RASAL2: variants seen among roughly 807,000 people sequenced by gnomAD.
RASAL2 encodes RAS protein activator like 2.
A neutral mutation model predicts 128.9 loss-of-function variants in RASAL2; 58 were observed. That is an observed-to-expected ratio of 0.45 (90% CI 0.36 to 0.56). RASAL2 has a LOEUF of 0.56. Ranked by LOEUF, RASAL2 falls within the 20% of genes least tolerant of loss-of-function variation. RASAL2 has a pLI of 0.00. For missense variants in RASAL2, 1,360 were observed against 1,601.6 expected, an observed-to-expected ratio of 0.85 and a Z score of 2.57; for synonymous variants, 561 against 580.8, an observed-to-expected ratio of 0.97 and a Z score of 0.49.
intron 3 of RASAL2, among the ~76,000 whole-genome samples, chr1:178,303,373 A>G (rs1370488645): frequency 3.9e-5 from 6 of 152,232 alleles, no homozygotes; most frequent in South Asian, 2.1e-4. Context: ...GGAGTGTCCA[A>G]TCTTTTCGCT....
rs368509208 is a variant in RASAL2 at position 178,184,214 on chromosome 1, T to TA, written c.202+89521dup. Among the ~76,000 whole-genome samples, 641 of 152,296 alleles carry TA rather than the reference T, an allele frequency of 4.2e-3. 3 individuals are homozygous for TA. The highest frequency in any genetic ancestry group is 0.014 in the African/African-American group (584 of 41,572). On this transcript the variant is annotated intron_variant, in intron 1 of 17. Coordinates refer to ENST00000367649, the MANE Select transcript of RASAL2 (RefSeq NM_170692.4). Reference sequence around the variant, plus strand: ...TTTTGGATACAAGTCCTTTGTCAGATATGTGTTTTGCAGATATTTTCTTCC... The same window carrying TA: ...TTTTGGATACAAGTCCTTTGTCAGATAATGTGTTTTGCAGATATTTTCTTCC...
intron 4 of RASAL2, among the ~76,000 whole-genome samples, chr1:178,408,591 T>C (rs1172892718): frequency 1.3e-5 from 2 of 151,732 alleles, no homozygotes; most frequent in African/African-American, 4.9e-5. Flanking sequence ...TTTGTTGTTG[T>C]TGTTTGGTTG....
At chr1:178,317,924 G>A (rs1183879260) in intron 3 of RASAL2, among the ~76,000 whole-genome samples, 5 of 151,662 alleles carry the variant, frequency 3.3e-5, no homozygotes, top group African/African-American at 7.3e-5. Flanking sequence ...TCTCTTGTGG[G>A]CATTTATTGC....
At chr1:178,141,003 T>G (rs1660503125) in intron 1 of RASAL2, among the ~76,000 whole-genome samples, 1 of 151,804 alleles carries the variant, frequency 6.6e-6, no homozygotes, top group South Asian at 2.1e-4. Flanking sequence ...ATGGCCAGAG[T>G]AGGAGCAAGA....
intron 1 of RASAL2, among the ~76,000 whole-genome samples, chr1:178,138,753 A>T (rs934819831): frequency 2.6e-5 from 4 of 152,142 alleles, no homozygotes; most frequent in Non-Finnish European, 5.9e-5. Context: ...TGGTATGGTC[A>T]CTGCATCTGA....
chr1:178,296,634 AT>A (rs1667519070), intron 2 of RASAL2, among the ~76,000 whole-genome samples: 1 of 148,072 alleles, frequency 6.8e-6, no homozygotes, highest in Non-Finnish European at 1.5e-5. Context: ...AAGTGCTGCG[AT>A]TACAGGTGGG....
intron 1 of RASAL2, among the ~76,000 whole-genome samples, chr1:178,177,653 G>T (rs904396936): frequency 6.6e-6 from 1 of 152,154 alleles, no homozygotes; most frequent in African/African-American, 2.4e-5. Context: ...CATTTTGAGG[G>T]AATAGCATGG....
At chr1:178,275,481 C>G (rs535650900) in intron 1 of RASAL2, among the ~76,000 whole-genome samples, 3 of 152,326 alleles carry the variant, frequency 2.0e-5, no homozygotes, top group Non-Finnish European at 4.4e-5. Flanking sequence ...CAAGGTAGAA[C>G]TATCATAGGA....
chr1:178,210,697 T>C (rs1237579692), intron 1 of RASAL2, among the ~76,000 whole-genome samples: 1 of 152,182 alleles, frequency 6.6e-6, no homozygotes, highest in African/African-American at 2.4e-5. Context: ...AAATCTAAAG[T>C]CTTCTGAATT....
At chr1:178,382,429 T>C (rs540702052) in intron 3 of RASAL2, among the ~76,000 whole-genome samples, 1 of 152,308 alleles carries the variant, frequency 6.6e-6, no homozygotes, top group South Asian at 2.1e-4. Flanking sequence ...CTTTAAAATA[T>C]GAAGAAAACT....
chr1:178,266,762 G>C (rs982349911), intron 1 of RASAL2, among the ~76,000 whole-genome samples: 1 of 152,162 alleles, frequency 6.6e-6, no homozygotes, highest in Non-Finnish European at 1.5e-5. Flanking sequence ...CAGGGGATTG[G>C]TTTGATCAGG....
intron 1 of RASAL2, among the ~76,000 whole-genome samples, chr1:178,137,796 C>T (rs1660380271): frequency 6.6e-6 from 1 of 152,012 alleles, no homozygotes; most frequent in Non-Finnish European, 1.5e-5. Flanking sequence ...TGTTTGTGGC[C>T]AAAGAAATCA....
At chr1:178,411,677 C>T (rs1674395212) in intron 4 of RASAL2, 3 of 821,948 alleles carry the variant, frequency 3.6e-6, no homozygotes, top group Non-Finnish European at 4.4e-6. Flanking sequence ...TTCAGTGACA[C>T]TTTTGTCCAT....
At chr1:178,241,520 CA>C (rs1221564247) in intron 1 of RASAL2, among the ~76,000 whole-genome samples, 3 of 152,170 alleles carry the variant, frequency 2.0e-5, no homozygotes, top group African/African-American at 7.2e-5. Flanking sequence ...AATGGAGAGT[CA>C]GTCTGAGAAT....
At chr1:178,404,413 G>A (rs1243644269) in intron 4 of RASAL2, among the ~76,000 whole-genome samples, 2 of 151,900 alleles carry the variant, frequency 1.3e-5, no homozygotes, top group South Asian at 2.1e-4. Context: ...ACAGAGTCTC[G>A]CTCTGTCGCC....
intron 3 of RASAL2, among the ~76,000 whole-genome samples, chr1:178,378,514 A>T (rs1447494613): frequency 1.3e-5 from 2 of 152,136 alleles, no homozygotes; most frequent in Non-Finnish European, 2.9e-5. Context: ...CACATACAGA[A>T]TCTTTATAAA....
intron 1 of RASAL2, among the ~76,000 whole-genome samples, chr1:178,256,574 T>C (rs902933739): frequency 9.9e-5 from 15 of 152,232 alleles, no homozygotes; most frequent in Non-Finnish European, 2.1e-4. Context: ...GCAAGTGATA[T>C]GTTCACATGT....
intron 1 of RASAL2, among the ~76,000 whole-genome samples, chr1:178,151,020 A>G (rs567441801): frequency 6.6e-6 from 1 of 152,274 alleles, no homozygotes; most frequent in African/African-American, 2.4e-5. Context: ...GCTATGCTCT[A>G]CCTTCTGGAG....
chr1:178,226,171 G>C (rs181932024), intron 1 of RASAL2, among the ~76,000 whole-genome samples: 4 of 152,186 alleles, frequency 2.6e-5, no homozygotes, highest in Non-Finnish European at 5.9e-5. Context: ...CTCAGGCGGA[G>C]TAGTAAATTG....
Sources: allele counts gnomAD v4.1 joint callset (sites outside exome capture counted in the v4.1 genomes callset), GRCh38; gene constraint gnomAD v4.1.1; transcripts MANE v1.5; gene names NCBI Gene and HGNC (gene_info 2026-07-23, HGNC 2026-07-21).